The following PTPRT variants were observed in gnomAD, a reference collection of about 807,000 sequenced individuals.
PTPRT encodes the protein protein tyrosine phosphatase receptor type T, also known as receptor-type tyrosine-protein phosphatase T.
Under a neutral mutation model 176.8 loss-of-function variants are expected in PTPRT, and 56 were observed. That is an observed-to-expected ratio of 0.32 (90% CI 0.26 to 0.40). PTPRT has a LOEUF of 0.40. Ranked by LOEUF, PTPRT falls within the 10% of genes least tolerant of loss-of-function variation. PTPRT has a pLI of 1.00. For synonymous variants in PTPRT, 783 were observed against 739.0 expected, an observed-to-expected ratio of 1.06 and a Z score of -0.96; for missense variants, 1,540 against 1,908.2, an observed-to-expected ratio of 0.81 and a Z score of 3.60.
chr20:42,572,169 C>G (rs2073167658), intron 7 of PTPRT, among the ~76,000 whole-genome samples: 1 of 152,152 alleles, frequency 6.6e-6, no homozygotes, highest in African/African-American at 2.4e-5. Flanking sequence ...ACCTCTTTTA[C>G]ATGGGCACTA....
At chr20:42,119,013 G>GAA (rs11415242) in intron 20 of PTPRT, among the ~76,000 whole-genome samples, 7,749 of 29,164 alleles carry the variant, frequency 0.27, 2,065 homozygotes, top group East Asian at 0.45. Context: ...AGAAAGGAAG[G>GAA]AAAAAAAAAA....
At chr20:42,610,408 T>TG (rs1448736189) in intron 7 of PTPRT, among the ~76,000 whole-genome samples, 5 of 150,306 alleles carry the variant, frequency 3.3e-5, no homozygotes, top group Non-Finnish European at 7.4e-5. Context: ...TTTTTTGAGA[T>TG]GGGGTCTCAC....
chr20:42,530,450 G>A (rs1381956643), intron 7 of PTPRT, among the ~76,000 whole-genome samples: 1 of 152,204 alleles, frequency 6.6e-6, no homozygotes, highest in Admixed American at 6.5e-5. Flanking sequence ...AAGTGTTGGG[G>A]GAGGTATAAA....
intron 22 of PTPRT, among the ~76,000 whole-genome samples, chr20:42,111,991 G>A (rs1001160512): frequency 3.3e-5 from 5 of 152,138 alleles, no homozygotes; most frequent in Non-Finnish European, 2.9e-5. Context: ...GTCAGGCCAT[G>A]GGAGACCACA....
At chr20:42,413,351 T>G (rs757251063) in intron 9 of PTPRT, among the ~76,000 whole-genome samples, 33 of 152,168 alleles carry the variant, frequency 2.2e-4, no homozygotes, top group Non-Finnish European at 3.7e-4. Flanking sequence ...AAAGAGTATT[T>G]TCATTCCTTT....
chr20:42,313,730 G>T (rs2057671675), intron 12 of PTPRT, among the ~76,000 whole-genome samples: 1 of 152,156 alleles, frequency 6.6e-6, no homozygotes, highest in South Asian at 2.1e-4. Context: ...ATGAGTCCCA[G>T]ATGCTTCTGC....
At chr20:42,196,933 T>C (rs1014253362) in intron 16 of PTPRT, among the ~76,000 whole-genome samples, 4 of 152,172 alleles carry the variant, frequency 2.6e-5, no homozygotes, top group South Asian at 2.1e-4. Context: ...CAAAGCGGTA[T>C]GATATGTCCA....
chr20:42,671,479 G>A (rs2075412081), intron 7 of PTPRT, among the ~76,000 whole-genome samples: 1 of 152,196 alleles, frequency 6.6e-6, no homozygotes, highest in Non-Finnish European at 1.5e-5. Context: ...CAATGCTCTA[G>A]ACAAGAGAGT....
At chr20:42,550,123 C>T (rs541741367) in intron 7 of PTPRT, among the ~76,000 whole-genome samples, 1 of 152,250 alleles carries the variant, frequency 6.6e-6, no homozygotes, top group East Asian at 1.9e-4. Context: ...CTGTACGCCC[C>T]TTGCTTTTGT....
chr20:42,913,263 T>C (rs1022164065), intron 1 of PTPRT, among the ~76,000 whole-genome samples: 1 of 152,180 alleles, frequency 6.6e-6, no homozygotes, highest in Non-Finnish European at 1.5e-5. Flanking sequence ...TTCTGGAAGC[T>C]AGAAGCTGGA....
At chr20:43,070,226 T>G (rs2011162461) in intron 1 of PTPRT, among the ~76,000 whole-genome samples, 1 of 152,176 alleles carries the variant, frequency 6.6e-6, no homozygotes, top group African/African-American at 2.4e-5. Flanking sequence ...TGCTGTGGGC[T>G]CACAGCTTCC....
chr20:43,165,143 T>G (rs1358064958), intron 1 of PTPRT, among the ~76,000 whole-genome samples: 2 of 151,444 alleles, frequency 1.3e-5, no homozygotes, highest in Non-Finnish European at 2.9e-5. Flanking sequence ...GAGAGGCCAG[T>G]TCATCTGCAC....
chr20:42,493,629 A>G (rs2071599364), intron 7 of PTPRT, among the ~76,000 whole-genome samples: 1 of 152,076 alleles, frequency 6.6e-6, no homozygotes, highest in South Asian at 2.1e-4. Flanking sequence ...CTAGACTTTG[A>G]TCTTCCACAC....
At chr20:43,172,934 A>G (rs564997134) in intron 1 of PTPRT, among the ~76,000 whole-genome samples, 3 of 141,416 alleles carry the variant, frequency 2.1e-5, no homozygotes, top group African/African-American at 8.1e-5. Flanking sequence ...GTGCAATGGC[A>G]CAATCTCTGC....
chr20:43,160,935 G>A (rs896584765), intron 1 of PTPRT, among the ~76,000 whole-genome samples: 4 of 145,538 alleles, frequency 2.7e-5, no homozygotes, highest in East Asian at 2.0e-4. Context: ...AAAAAAAAAC[G>A]TAGAGACAAG....
At chr20:43,161,497 CA>C (rs758882651) in intron 1 of PTPRT, among the ~76,000 whole-genome samples, 167 of 152,186 alleles carry the variant, frequency 1.1e-3, no homozygotes, top group Non-Finnish European at 2.1e-3. Flanking sequence ...ACAGGTATAA[CA>C]GAAATCATCT....
At chr20:42,229,855 A>AT (rs11480570) in intron 15 of PTPRT, among the ~76,000 whole-genome samples, 2,972 of 151,252 alleles carry the variant, frequency 0.02, 94 homozygotes, top group African/African-American at 0.068. Flanking sequence ...AAATGATGTC[A>AT]TTTTTTTTTC....
At chr20:42,633,871 T>C (rs1203069259) in intron 7 of PTPRT, among the ~76,000 whole-genome samples, 1 of 83,442 alleles carries the variant, frequency 1.2e-5, no homozygotes, top group African/African-American at 5.1e-5. Flanking sequence ...TAATTATCTA[T>C]AATATATTAT....
intron 9 of PTPRT, among the ~76,000 whole-genome samples, chr20:42,378,883 A>C (rs1196445880): frequency 3.3e-5 from 5 of 152,232 alleles, no homozygotes; most frequent in Admixed American, 6.5e-5. Flanking sequence ...TGTAGTAAGC[A>C]TTCAATACTT....
Sources: gnomAD v4.1 joint callset for allele counts (sites outside exome capture counted in the v4.1 genomes callset) on GRCh38, gnomAD v4.1.1 for gene constraint, MANE v1.5 for transcripts, NCBI Gene and HGNC (gene_info 2026-07-23, HGNC 2026-07-21) for gene names.